The following KCTD5 variants were observed in gnomAD, a reference collection of about 807,000 sequenced individuals.
The protein encoded by KCTD5 is potassium channel tetramerization domain containing 5, also known as BTB/POZ domain-containing protein KCTD5.
A neutral mutation model predicts 27.9 loss-of-function variants in KCTD5; 12 were observed. The ratio of observed to expected loss-of-function variants is 0.43; its 90% CI spans 0.28 to 0.70. The LOEUF (loss-of-function observed/expected upper bound fraction) is 0.70. KCTD5 is among the 30% of genes least tolerant of loss of function. The pLI, the probability that KCTD5 is intolerant of heterozygous loss-of-function variation, is 0.19. For synonymous variants in KCTD5, 147 were observed against 121.4 expected, an observed-to-expected ratio of 1.21 and a Z score of -1.39; for missense variants, 226 against 274.8, an observed-to-expected ratio of 0.82 and a Z score of 1.26.
At chr16:2,692,398 T>A (rs977959914) in intron 1 of KCTD5, among the ~76,000 whole-genome samples, 11 of 152,186 alleles carry the variant, frequency 7.2e-5, no homozygotes, top group African/African-American at 2.7e-4. Context: ...GCAGGTCGGC[T>A]CATTCAGTTG....
At chr16:2,705,359 G>C (rs910830774) in intron 5 of KCTD5, among the ~76,000 whole-genome samples, 1 of 152,224 alleles carries the variant, frequency 6.6e-6, no homozygotes, top group Non-Finnish European at 1.5e-5. Flanking sequence ...CTGTGAGGCA[G>C]ATGCCCAGGG....
At chr16:2,685,191 C>T (rs532972602) in intron 1 of KCTD5, among the ~76,000 whole-genome samples, 2 of 152,006 alleles carry the variant, frequency 1.3e-5, no homozygotes, top group African/African-American at 2.4e-5. Context: ...TTTGGGAGGC[C>T]GAGGCGCGTG....
At chr16:2,691,534 G>A (rs150794814) in intron 1 of KCTD5, among the ~76,000 whole-genome samples, 65 of 152,322 alleles carry the variant, frequency 4.3e-4, no homozygotes, top group East Asian at 3.3e-3. Flanking sequence ...CAGGCCCGGC[G>A]CGCCGAGTCC....
At chr16:2,685,997 A>T (rs2067538601) in intron 1 of KCTD5, 1 of 150,680 alleles carries the variant, frequency 6.6e-6, no homozygotes, top group Non-Finnish European at 1.5e-5. Flanking sequence ...CTGCTAAAGC[A>T]TCCTATCTGG....
chr16:2,696,890 C>T (rs2067588542), intron 2 of KCTD5, among the ~76,000 whole-genome samples: 2 of 152,268 alleles, frequency 1.3e-5, no homozygotes, highest in Non-Finnish European at 2.9e-5. Flanking sequence ...TGTACTCTCT[C>T]TGGTCGCTTG....
chr16:2,696,561 C>G (rs1419714764), intron 2 of KCTD5, among the ~76,000 whole-genome samples: 5 of 152,256 alleles, frequency 3.3e-5, no homozygotes, highest in Non-Finnish European at 7.3e-5. Flanking sequence ...CGCGTTGGGC[C>G]CAGGCTGGCC....
chr16:2,699,970 C>T, intron 4 of KCTD5, 54 bp downstream of exon 4: 1 of 1,504,906 alleles, frequency 6.6e-7, no homozygotes, highest in South Asian at 1.1e-5. Context: ...AACTTGTGCT[C>T]ACAATGGCTC....
intron 4 of KCTD5, among the ~76,000 whole-genome samples, 163 bp from the exon 5 acceptor site, chr16:2,702,190 C>G (rs1006717786): frequency 1.3e-5 from 2 of 152,214 alleles, no homozygotes; most frequent in African/African-American, 4.8e-5. Context: ...CCCGTGTGCT[C>G]GTGCAGGTGT....
chr16:2,687,665 C>T (rs1185941775), intron 1 of KCTD5, among the ~76,000 whole-genome samples: 1 of 152,212 alleles, frequency 6.6e-6, no homozygotes, highest in Non-Finnish European at 1.5e-5. Flanking sequence ...TGGTCTCGCC[C>T]CGGCCCTGTC....
At chr16:2,686,855 C>G (rs1421600290) in intron 1 of KCTD5, among the ~76,000 whole-genome samples, 1 of 151,708 alleles carries the variant, frequency 6.6e-6, no homozygotes, top group Non-Finnish European at 1.5e-5. Flanking sequence ...AGCCGCTTGG[C>G]AAGAGAAGTG....
At position 2,707,666 on chromosome 16, in the gene KCTD5, G is replaced by A. The variant is rs2067643208; in HGVS notation, c.*339G>A. On this transcript the variant is annotated 3_prime_UTR_variant, in exon 6 of 6. Transcript: ENST00000301738. ...ATCGTGTGAAGGAAGCGTTCTTGGT[G>A]CTACACACAGTCTGGAAAAGCAGCC... is the stretch of plus-strand genomic sequence containing the variant. 3.5e-6 allele frequency: 2 copies of A among 572,586 alleles called. No homozygotes were observed. Among genetic ancestry groups the A allele is most frequent in the African/African-American group, 3.7e-5 (2 of 53,402 alleles). The allele number at this position is 572,586 out of a possible 1,614,324, so 35.5% of individuals were successfully genotyped here. A position where few individuals can be genotyped will look rare whatever the true frequency, so the allele number is the denominator to read the frequency against.
At chr16:2,691,287 C>T (rs888923766) in intron 1 of KCTD5, among the ~76,000 whole-genome samples, 1 of 152,242 alleles carries the variant, frequency 6.6e-6, no homozygotes, top group African/African-American at 2.4e-5. Context: ...CCTGACCTTC[C>T]GCTCTGCCCA....
intron 4 of KCTD5, among the ~76,000 whole-genome samples, chr16:2,701,232 G>T (rs1486480011): frequency 1.3e-5 from 2 of 152,236 alleles, no homozygotes; most frequent in East Asian, 3.9e-4. Context: ...CCATTGCAAA[G>T]AACGGGTGTC....
chr16:2,689,658 T>C (rs1214550148), intron 1 of KCTD5, among the ~76,000 whole-genome samples: 1 of 150,848 alleles, frequency 6.6e-6, no homozygotes, highest in Non-Finnish European at 1.5e-5. Flanking sequence ...GTCTCCACCC[T>C]CATTCCTCAC....
intron 1 of KCTD5, among the ~76,000 whole-genome samples, chr16:2,693,610 C>T (rs1464230594): frequency 1.3e-5 from 2 of 152,234 alleles, no homozygotes; most frequent in South Asian, 2.1e-4. Context: ...CCCACCCTGC[C>T]CTCCTTCCCT....
Position 2,685,089 on chromosome 16 carries a change from T to C in KCTD5, c.252+2289T>C, listed in dbSNP as rs1214983433. Among the ~76,000 whole-genome samples, 4 of 152,208 alleles carry C rather than the reference T, an allele frequency of 2.6e-5. No individual in the cohort carries two copies. The East Asian group carries it at 7.7e-4, about 29-fold the overall frequency. Reference sequence around the variant, plus strand: ...AAATGGTAAACTCAAATTCAGAACATGAAGGTAAAGTAGCAGATACAGTCG... The same window carrying C: ...AAATGGTAAACTCAAATTCAGAACACGAAGGTAAAGTAGCAGATACAGTCG... On this transcript the variant is annotated intron_variant, in intron 1 of 5. Transcript: ENST00000301738.
rs746599561 is a variant in KCTD5, at chr16:2,699,212, G to A, written c.454-609G>A. 123 of 456,066 alleles carry A rather than the reference G, an allele frequency of 2.7e-4. 3 individuals are homozygous for A. Among genetic ancestry groups the A allele is most frequent in the South Asian group, 1.8e-3 (115 of 64,560 alleles). The allele number at this position is 456,066 out of a possible 1,614,324, so 28.3% of individuals were successfully genotyped here. A position where few individuals can be genotyped will look rare whatever the true frequency, so the allele number is the denominator to read the frequency against. ...ACTGTCCAGGATGTGGGGCCACCCC[G>A]CCCACTGGGGAGCAGCTCCATGCAG... On this transcript the variant is annotated intron_variant, in intron 3 of 5. Transcript: ENST00000301738.
At chr16:2,687,022 C>T (rs951990676) in intron 1 of KCTD5, among the ~76,000 whole-genome samples, 4 of 152,214 alleles carry the variant, frequency 2.6e-5, no homozygotes, top group African/African-American at 4.8e-5. Flanking sequence ...GCACGATCTT[C>T]GCTCTGACCA....
At chr16:2,691,843 C>T (rs2067568202) in intron 1 of KCTD5, among the ~76,000 whole-genome samples, 1 of 152,240 alleles carries the variant, frequency 6.6e-6, no homozygotes, top group Admixed American at 6.5e-5. Context: ...GTGGGGTCCC[C>T]CGCGGTGCCT....
Sources: gnomAD v4.1 joint callset for allele counts (sites outside exome capture counted in the v4.1 genomes callset) on GRCh38, gnomAD v4.1.1 for gene constraint, MANE v1.5 for transcripts, NCBI Gene and HGNC (gene_info 2026-07-23, HGNC 2026-07-21) for gene names.